CC2D2A: variants seen among roughly 807,000 people sequenced by gnomAD.
CC2D2A encodes coiled-coil and C2 domain containing 2A.
In CC2D2A, 155 loss-of-function variants were observed where a neutral mutation model predicts 212.9. The ratio of observed to expected loss-of-function variants is 0.73; its 90% CI spans 0.64 to 0.83. The LOEUF (loss-of-function observed/expected upper bound fraction) is 0.83. CC2D2A is among the 40% of genes least tolerant of loss of function. The pLI is 0.00. For synonymous variants in CC2D2A, 667 were observed against 686.5 expected (o/e 0.97, Z 0.44); for missense variants, 1,856 against 1,956.2 (o/e 0.95, Z 0.97).
At chr4:15,553,111 A>C (rs2109052879) in intron 18 of CC2D2A, 47 bp from the exon 19 acceptor site, 2 of 1,537,008 alleles carry the variant, frequency 1.3e-6, no homozygotes, top group South Asian at 2.6e-5. Context: ...GACTAGGCTC[A>C]GTCCCTCTTT....
chr4:15,599,059 G>A (rs1417250924), intron 35 of CC2D2A, among the ~76,000 whole-genome samples: 1 of 152,048 alleles, frequency 6.6e-6, no homozygotes, highest in Non-Finnish European at 1.5e-5. Context: ...CTACCAAAGA[G>A]GCTGAGGTGG....
intron 1 of CC2D2A, among the ~76,000 whole-genome samples, chr4:15,474,261 G>A (rs1206194295): frequency 6.6e-6 from 1 of 152,178 alleles, no homozygotes; most frequent in Non-Finnish European, 1.5e-5. Flanking sequence ...CTCAAAAGAA[G>A]GGATGGGTCA....
chr4:15,515,804 A>C, intron 9 of CC2D2A, 64 bp from the exon 10 acceptor site: 17 of 1,420,798 alleles, frequency 1.2e-5, no homozygotes, highest in Non-Finnish European at 1.6e-5. Flanking sequence ...TAATTCACCA[A>C]ACTGCAGTTT....
At chr4:15,598,510 G>A (rs1721418146) in intron 35 of CC2D2A, among the ~76,000 whole-genome samples, 1 of 152,138 alleles carries the variant, frequency 6.6e-6, no homozygotes. Flanking sequence ...TTATTATTGA[G>A]ATTAAATAAA....
intron 4 of CC2D2A, among the ~76,000 whole-genome samples, chr4:15,484,690 G>C (rs1404067014): frequency 6.6e-6 from 1 of 152,160 alleles, no homozygotes; most frequent in Admixed American, 6.5e-5. Flanking sequence ...CATGGTTTTT[G>C]ACTTGAGTCA....
Position 15,555,219 on chromosome 4 carries a change from C to T in CC2D2A, c.2625+9C>T. On this transcript the variant is annotated intron_variant, in intron 20 of 36. Coordinates refer to ENST00000424120, the MANE Select transcript of CC2D2A (RefSeq NM_001378615.1). ...TGATGCAGCTTATCTCGGTATGTAG[C>T]AGGAGGCACACATGCCATTTCTTGA... The T allele has an allele frequency of 6.2e-7, 1 of 1,611,274 alleles. No individual in the cohort carries two copies. Among genetic ancestry groups the T allele is most frequent in the East Asian group, 2.2e-5 (1 of 44,832 alleles).
chr4:15,538,119 C>T lies in CC2D2A; in HGVS notation c.1985C>T (p.Pro662Leu), dbSNP rs1205310412. The T allele has an allele frequency of 6.3e-6, 10 of 1,587,144 alleles. No individual in the cohort carries two copies. Among genetic ancestry groups the T allele is most frequent in the Non-Finnish European group, 7.7e-6 (9 of 1,165,240 alleles). Reference protein sequence around the residue: ...PELSLAGSVTPNDQCPRAEVS... With the variant: ...PELSLAGSVTLNDQCPRAEVS... The stretch of plus-strand genomic sequence containing the variant: ...CTAAGCCTGGCAGGAAGCGTAACAC[C>T]CAATGACCAGTGCCCCAGGTGAGTG... The change falls in exon 16 of 37, where the codon CCC becomes CTC. Residue 662 changes from proline to leucine, a missense_variant. Physicochemically the swap from Pro to Leu is moderately conservative, Grantham distance 98. Transcript: ENST00000424120.
intron 29 of CC2D2A, among the ~76,000 whole-genome samples, chr4:15,577,561 G>A (rs546970635): frequency 1.3e-3 from 198 of 152,128 alleles, no homozygotes; most frequent in African/African-American, 4.5e-3. Context: ...CATCTTGGTG[G>A]CCTAGACAAG....
intron 3 of CC2D2A, chr4:15,479,378 G>C: frequency 7.2e-7 from 1 of 1,387,426 alleles, no homozygotes; most frequent in Non-Finnish European, 9.9e-7. Flanking sequence ...CAGGGAAGCA[G>C]CTATTGTGGA....
At chr4:15,561,883 G>A (rs1029357187) in intron 23 of CC2D2A, among the ~76,000 whole-genome samples, 6 of 152,196 alleles carry the variant, frequency 3.9e-5, no homozygotes, top group African/African-American at 7.2e-5. Context: ...ACAGTGACCT[G>A]AGTTTGAACC....
At chr4:15,475,134 C>T (rs778139570) in intron 1 of CC2D2A, among the ~76,000 whole-genome samples, 1 of 152,184 alleles carries the variant, frequency 6.6e-6, no homozygotes, top group African/African-American at 2.4e-5. Context: ...ATTAGCCGGG[C>T]GTGGTGGCAT....
At position 15,527,338 on chromosome 4, in the gene CC2D2A, C is replaced by T. The variant is rs796798392; in HGVS notation, c.1150-109C>T. Reference sequence around the variant, plus strand: ...TCAAGCATTTTTCACCTGACTAGTCCAGGATAGGAGGTATTTTGCATCTGA... The same window carrying T: ...TCAAGCATTTTTCACCTGACTAGTCTAGGATAGGAGGTATTTTGCATCTGA... On this transcript the variant is annotated intron_variant, in intron 11 of 36. Transcript: ENST00000424120. 4.0e-5 allele frequency: 29 copies of T among 732,982 alleles called. No individual in the cohort carries two copies. The African/African-American group carries it at 4.4e-4, about 11-fold the overall frequency. The allele number at this position is 732,982 out of a possible 1,614,324, so 45.4% of individuals were successfully genotyped here.
chr4:15,479,102 G>A (rs1396505298), intron 3 of CC2D2A: 13 of 771,316 alleles, frequency 1.7e-5, no homozygotes, highest in African/African-American at 3.4e-5. Flanking sequence ...GAAGGAGCCT[G>A]TTTTAGTGCT....
chr4:15,589,733 A>C (rs994676328), intron 33 of CC2D2A, 54 bp downstream of exon 33: 96 of 1,282,428 alleles, frequency 7.5e-5, no homozygotes, highest in Non-Finnish European at 9.6e-5. Context: ...CTTTTAAATA[A>C]CTGACCTATT....
At chr4:15,485,428 T>C (rs969932009) in intron 4 of CC2D2A, among the ~76,000 whole-genome samples, 3 of 152,260 alleles carry the variant, frequency 2.0e-5, no homozygotes, top group African/African-American at 2.4e-5. Context: ...TGAATAGTGC[T>C]GCAGTAAAAA....
At chr4:15,501,623 C>G (rs998792196) in intron 4 of CC2D2A, among the ~76,000 whole-genome samples, 4 of 152,160 alleles carry the variant, frequency 2.6e-5, no homozygotes, top group African/African-American at 4.8e-5. Context: ...CTCCATTTTA[C>G]TTCCACCTCT....
At chr4:15,597,982 C>A (rs1721393966) in intron 35 of CC2D2A, among the ~76,000 whole-genome samples, 1 of 152,140 alleles carries the variant, frequency 6.6e-6, no homozygotes, top group Non-Finnish European at 1.5e-5. Context: ...CCCAGCCCAA[C>A]CTTTCTGATT....
At chr4:15,528,584 TTTG>T in intron 12 of CC2D2A, 33 bp from the exon 13 acceptor site, 1 of 1,585,092 alleles carries the variant, frequency 6.3e-7, no homozygotes, top group Non-Finnish European at 8.7e-7. Context: ...GGGAATAGAG[TTTG>T]TAACCCAAAA....
chr4:15,491,168 C>T (rs1715286035), intron 4 of CC2D2A, among the ~76,000 whole-genome samples: 4 of 152,016 alleles, frequency 2.6e-5, no homozygotes, highest in Non-Finnish European at 4.4e-5. Flanking sequence ...AAGAAACTGC[C>T]GATATACTTT....
Sources: allele counts gnomAD v4.1 joint callset (sites outside exome capture counted in the v4.1 genomes callset), GRCh38; gene constraint gnomAD v4.1.1; transcripts MANE v1.5; gene names NCBI Gene and HGNC (gene_info 2026-07-23, HGNC 2026-07-21).